Variants in PDE4D observed in about 807,000 individuals in gnomAD.
The protein encoded by PDE4D is 3',5'-cyclic-AMP phosphodiesterase 4D.
PDE4D carries 24 observed loss-of-function variants against 87.4 expected under a neutral mutation model. The ratio of observed to expected loss-of-function variants is 0.27; its 90% CI spans 0.20 to 0.39. The LOEUF is 0.39. Among genes scored for constraint, PDE4D ranks in the 10% least tolerant of loss-of-function variants. The pLI is 1.00. For missense variants in PDE4D, 714 were observed against 1,041.0 expected, an observed-to-expected ratio of 0.69 and a Z score of 4.32; for synonymous variants, 384 against 383.2, an observed-to-expected ratio of 1.00 and a Z score of -0.02.
intron 3 of PDE4D, among the ~76,000 whole-genome samples, chr5:59,947,513 C>G (rs1757849506): frequency 6.6e-6 from 1 of 152,126 alleles, no homozygotes; most frequent in African/African-American, 2.4e-5. Flanking sequence ...TCAGACTTCC[C>G]AGATGCTCCC....
chr5:60,059,356 AC>A (rs1771145514), intron 2 of PDE4D, among the ~76,000 whole-genome samples: 1 of 151,940 alleles, frequency 6.6e-6, no homozygotes, highest in South Asian at 2.1e-4. Flanking sequence ...TGTGTGAACT[AC>A]CTAGAATAGC....
At chr5:60,223,757 A>T (rs1583130734) in intron 1 of PDE4D, among the ~76,000 whole-genome samples, 1 of 152,220 alleles carries the variant, frequency 6.6e-6, no homozygotes, top group Middle Eastern at 3.4e-3. Flanking sequence ...GTAGATATTG[A>T]TCTCACAAGC....
At chr5:59,408,824 A>G (rs258121) in intron 1 of PDE4D, among the ~76,000 whole-genome samples, 76,794 of 151,932 alleles carry the variant, frequency 0.51, 19,725 homozygotes, top group East Asian at 0.64. Context: ...GCCTGAAGTC[A>G]TTTCTTTTGG....
At chr5:59,239,026 C>T (rs1254981164) in intron 1 of PDE4D, among the ~76,000 whole-genome samples, 2 of 152,142 alleles carry the variant, frequency 1.3e-5, no homozygotes, top group African/African-American at 2.4e-5. Context: ...AAAATAAATA[C>T]TGCTTAAGCA....
intron 1 of PDE4D, among the ~76,000 whole-genome samples, chr5:59,442,986 T>C (rs1385647404): frequency 1.3e-5 from 2 of 152,206 alleles, no homozygotes; most frequent in Non-Finnish European, 2.9e-5. Flanking sequence ...CTAATTTATT[T>C]TGACCTTAGA....
At chr5:59,762,880 TATATATATATATAG>T (rs1384586469) in intron 1 of PDE4D, among the ~76,000 whole-genome samples, 16 of 133,006 alleles carry the variant, frequency 1.2e-4, no homozygotes, top group Admixed American at 9.0e-4. Flanking sequence ...TATATATATA[TATATATATATATAG>T]CTTGCTCTTT....
chr5:59,857,284 T>C (rs1400479590), intron 1 of PDE4D, among the ~76,000 whole-genome samples: 2 of 152,170 alleles, frequency 1.3e-5, no homozygotes, highest in Non-Finnish European at 2.9e-5. Flanking sequence ...AATAATATTC[T>C]ATTGTTATCA....
intron 1 of PDE4D, among the ~76,000 whole-genome samples, chr5:59,438,952 G>C (rs960999192): frequency 1.3e-5 from 2 of 152,174 alleles, no homozygotes; most frequent in African/African-American, 2.4e-5. Flanking sequence ...TTGTCTCCTT[G>C]TATTTAAATC....
chr5:60,171,904 A>T (rs958653302), intron 2 of PDE4D, among the ~76,000 whole-genome samples: 3 of 151,756 alleles, frequency 2.0e-5, no homozygotes, highest in Non-Finnish European at 4.4e-5. Context: ...TTATTATTAA[A>T]ACCTACATAA....
chr5:59,179,843 A>G (rs1741062023), intron 5 of PDE4D, among the ~76,000 whole-genome samples: 1 of 152,186 alleles, frequency 6.6e-6, no homozygotes, highest in South Asian at 2.1e-4. Flanking sequence ...TAATGAATCA[A>G]TTGGGGTTTC....
At chr5:59,957,783 T>C (rs1373559334) in intron 3 of PDE4D, among the ~76,000 whole-genome samples, 1 of 152,140 alleles carries the variant, frequency 6.6e-6, no homozygotes, top group African/African-American at 2.4e-5. Flanking sequence ...TGCTAAATTT[T>C]GTTCTGAAAA....
intron 1 of PDE4D, among the ~76,000 whole-genome samples, chr5:59,351,155 A>G (rs1272494586): frequency 1.3e-5 from 2 of 152,170 alleles, no homozygotes; most frequent in Non-Finnish European, 2.9e-5. Flanking sequence ...AATCTGCACA[A>G]CGACCTTATG....
In PDE4D at chr5:59,205,918, G is replaced by T. The variant is rs1468866252; in HGVS notation, c.647+9859C>A. Among the ~76,000 whole-genome samples the T allele has an allele frequency of 2.6e-5, 4 of 152,066 alleles. No individual in the cohort carries two copies. In the East Asian group the frequency reaches 7.7e-4, roughly 29 times the overall value. ...ACATCATTTACTGAACTGGTGAAAT[G>T]ATTTCTTGTCACATCACAACCTTCC... On this transcript the variant is annotated intron_variant, in intron 2 of 14. Transcript: ENST00000340635.
intron 1 of PDE4D, among the ~76,000 whole-genome samples, chr5:60,450,773 A>T (rs1166305664): frequency 6.6e-6 from 1 of 152,148 alleles, no homozygotes; most frequent in African/African-American, 2.4e-5. Flanking sequence ...ACATGGTGAT[A>T]TCTATCTTCA....
chr5:59,570,929 A>G (rs756618987), intron 1 of PDE4D, among the ~76,000 whole-genome samples: 1 of 152,204 alleles, frequency 6.6e-6, no homozygotes, highest in Non-Finnish European at 1.5e-5. Flanking sequence ...CAAAAGAAAT[A>G]CATTAAATAT....
intron 1 of PDE4D, among the ~76,000 whole-genome samples, chr5:60,191,856 C>A (rs902397715): frequency 2.0e-5 from 3 of 151,944 alleles, no homozygotes; most frequent in Admixed American, 1.3e-4. Flanking sequence ...CAAAAATTAG[C>A]TGGGCATGGT....
intron 5 of PDE4D, among the ~76,000 whole-genome samples, chr5:59,161,105 C>A (rs534394726): frequency 6.6e-6 from 1 of 152,088 alleles, no homozygotes; most frequent in South Asian, 2.1e-4. Flanking sequence ...ACCTCCCACC[C>A]CCGCCAACAA....
intron 1 of PDE4D, among the ~76,000 whole-genome samples, chr5:60,329,128 T>A (rs9291688): frequency 1.3e-5 from 2 of 152,214 alleles, no homozygotes; most frequent in Admixed American, 1.3e-4. Flanking sequence ...AAAACTTACA[T>A]GCTTTTATCC....
chr5:60,460,617 C>G, intron 1 of PDE4D: 1 of 1,250,090 alleles, frequency 8.0e-7, no homozygotes. Flanking sequence ...TTGCTTCTTG[C>G]TGTTCTTTTT....
Sources: allele counts gnomAD v4.1 joint callset (sites outside exome capture counted in the v4.1 genomes callset), GRCh38; gene constraint gnomAD v4.1.1; transcripts MANE v1.5; gene names NCBI Gene and HGNC (gene_info 2026-07-23, HGNC 2026-07-21).